Variants in SCAMP3 observed in about 807,000 individuals in gnomAD.
SCAMP3 encodes the protein secretory carrier-associated membrane protein 3.
In SCAMP3, 30 loss-of-function variants were observed where a neutral mutation model predicts 44.1. That is an observed-to-expected ratio of 0.68 (90% CI 0.51 to 0.92). The LOEUF is 0.92. SCAMP3 is among the 40% of genes least tolerant of loss of function. The pLI is 0.00. For missense variants in SCAMP3, 394 were observed against 440.0 expected, an observed-to-expected ratio of 0.90 and a Z score of 0.93; for synonymous variants, 168 against 171.1, an observed-to-expected ratio of 0.98 and a Z score of 0.14.
rs1076555 is a variant in SCAMP3 at position 155,260,663 on chromosome 1, T to A, written c.145-4A>T. 6.2e-7 allele frequency: 1 copy of A among 1,604,156 alleles called. No homozygotes were observed. The highest frequency in any genetic ancestry group is 1.3e-5 in the African/African-American group (1 of 74,684). On this transcript the variant is annotated splice_region_variant and splice_polypyrimidine_tract_variant and intron_variant, in intron 2 of 8. Coordinates refer to ENST00000302631, the MANE Select transcript of SCAMP3 (RefSeq NM_005698.4). ...GAGGCTCATAGGCTGGTGGTGGCTG[T>A]TGAGGAAAAGACCTTAGTGATCATC...
At position 155,257,479 on chromosome 1, in the gene SCAMP3, C is replaced by CTG; in HGVS notation, c.677+18_677+19insCA. On this transcript the variant is annotated intron_variant, in intron 6 of 8. Transcript: ENST00000302631. ...CCCATCCCAGGTCTCCATCACTCTCCCACCACTAACACACTTACCGGAAAG... is the reference window on the plus strand; with the variant it reads ...CCCATCCCAGGTCTCCATCACTCTCCTGCACCACTAACACACTTACCGGAAAG... 1 of 1,613,238 alleles carries CTG rather than the reference C, an allele frequency of 6.2e-7. No individual in the cohort carries two copies. The highest frequency in any genetic ancestry group is 8.5e-7 in the Non-Finnish European group (1 of 1,179,554).
In SCAMP3 at chr1:155,262,352, G is replaced by A. The variant is rs1470325790; in HGVS notation, c.-201C>T. The A allele has an allele frequency of 2.1e-5, 12 of 578,318 alleles. No homozygotes were observed. The highest frequency in any genetic ancestry group is 1.3e-4 in the Admixed American group (4 of 31,150). The allele number at this position is 578,318 out of a possible 1,614,324, so 35.8% of individuals were successfully genotyped here. On this transcript the variant is annotated 5_prime_UTR_variant, in exon 1 of 9. Coordinates refer to ENST00000302631, the MANE Select transcript of SCAMP3 (RefSeq NM_005698.4). The stretch of plus-strand genomic sequence containing the variant: ...CGCCTGCGTCTTGTCCAAAAGCTAA[G>A]ACGAAAGTGCCCCCACGTGATACCT...
Position 155,256,189 on chromosome 1 carries a change from T to A in SCAMP3, c.*84A>T. On this transcript the variant is annotated 3_prime_UTR_variant, in exon 9 of 9. Coordinates refer to ENST00000302631, the MANE Select transcript of SCAMP3 (RefSeq NM_005698.4). The stretch of plus-strand genomic sequence containing the variant: ...CTACGGAGGAGCCATCAGTTAGTGA[T>A]GTCTCTCCAAGTCCCAGAGACCTTA... 7.3e-7 allele frequency: 1 copy of A among 1,365,652 alleles called. No individual in the cohort carries two copies. The highest frequency in any genetic ancestry group is 1.0e-6 in the Non-Finnish European group (1 of 1,003,634). The allele number at this position is 1,365,652 out of a possible 1,614,324, so 84.6% of individuals were successfully genotyped here.
chr1:155,257,775 T>C, intron 5 of SCAMP3, 118 bp from the exon 6 acceptor site: 1 of 926,622 alleles, frequency 1.1e-6, no homozygotes, highest in Non-Finnish European at 1.6e-6. Context: ...TGAAGGCAGC[T>C]GCTGCCTTCA....
chr1:155,261,966 C>T (rs1269171605), intron 1 of SCAMP3, 120 bp downstream of exon 1: 4 of 1,030,810 alleles, frequency 3.9e-6, no homozygotes, highest in Non-Finnish European at 1.5e-6. Flanking sequence ...TCACTGTCAC[C>T]CCACGTGGCG....
chr1:155,261,957 C>A lies in SCAMP3; in HGVS notation c.66+129G>T, dbSNP rs919813740. 4 of 957,856 alleles carry A rather than the reference C, an allele frequency of 4.2e-6. No individual in the cohort carries two copies. The African/African-American group carries it at 6.5e-5, about 16-fold the overall frequency. 59.3% of individuals were successfully genotyped at this position (957,856 alleles called of 1,614,324 possible). A position where few individuals can be genotyped will look rare whatever the true frequency, so the allele number is the denominator to read the frequency against. The stretch of plus-strand genomic sequence containing the variant: ...CCCAGAGTGCTCACTGGTCTGGAGT[C>A]ACTGTCACCCCACGTGGCGGCTCTT... On this transcript the variant is annotated intron_variant, in intron 1 of 8. Transcript: ENST00000302631.
At chr1:155,259,384 G>T (rs1672896631) in intron 4 of SCAMP3, among the ~76,000 whole-genome samples, 1 of 151,968 alleles carries the variant, frequency 6.6e-6, no homozygotes, top group Admixed American at 6.6e-5. Flanking sequence ...CATGTTGGCT[G>T]GTCCTGAACT....
chr1:155,261,176 C>T (rs989849004), intron 2 of SCAMP3: 4 of 173,472 alleles, frequency 2.3e-5, no homozygotes, highest in Admixed American at 1.6e-4. Context: ...AGCAATCCTC[C>T]CACCTCAGCC....
chr1:155,261,492 C>T (rs1672960440), intron 2 of SCAMP3, 165 bp downstream of exon 2: 2 of 701,434 alleles, frequency 2.9e-6, no homozygotes, highest in Non-Finnish European at 5.1e-6. Context: ...CCTGGTGGCC[C>T]TAGAAGGATG....
rs1296286899 is a variant in SCAMP3 at position 155,260,460 on chromosome 1, G to A, written c.268-10C>T. 1.3e-5 allele frequency: 21 copies of A among 1,614,090 alleles called. No homozygotes were observed. Among genetic ancestry groups the A allele is most frequent in the Middle Eastern group, 1.6e-4 (1 of 6,084 alleles). ...CTGCTGCAGCTGAGGCCTGCCCAGT[G>A]TGAGCAGACGGAGATGTGAGCCCTG... is the stretch of plus-strand genomic sequence containing the variant. On this transcript the variant is annotated splice_polypyrimidine_tract_variant and intron_variant, in intron 3 of 8. Transcript: ENST00000302631.
intron 5 of SCAMP3, among the ~76,000 whole-genome samples, chr1:155,258,113 G>A (rs887673619): frequency 6.6e-6 from 1 of 150,826 alleles, no homozygotes; most frequent in African/African-American, 2.4e-5. Context: ...CTGCCTCCTG[G>A]GTTCACGCCC....
Position 155,256,270 on chromosome 1 carries a change from G to C in SCAMP3, c.*3C>G. On this transcript the variant is annotated 3_prime_UTR_variant, in exon 9 of 9. Coordinates refer to ENST00000302631, the MANE Select transcript of SCAMP3 (RefSeq NM_005698.4). Reference sequence around the variant, plus strand: ...AGCAGGGCCAGGGCATCCCAGTCAGGGGTCACGGGGCCCGGAAGGCATTTT... The same window carrying C: ...AGCAGGGCCAGGGCATCCCAGTCAGCGGTCACGGGGCCCGGAAGGCATTTT... 1 of 1,562,888 alleles carries C rather than the reference G, an allele frequency of 6.4e-7. No individual in the cohort carries two copies. Among genetic ancestry groups the C allele is most frequent in the South Asian group, 1.2e-5 (1 of 86,540 alleles).
intron 4 of SCAMP3, among the ~76,000 whole-genome samples, chr1:155,260,098 C>T (rs565749866): frequency 1.4e-4 from 21 of 151,980 alleles, no homozygotes; most frequent in South Asian, 4.2e-4. Flanking sequence ...ACTACAGGTG[C>T]GCGCCACCAT....
Position 155,262,320 on chromosome 1 carries a change from T to C in SCAMP3, c.-169A>G. 1.6e-6 allele frequency: 1 copy of C among 631,374 alleles called. No homozygotes were observed. The allele number at this position is 631,374 out of a possible 1,614,324, so 39.1% of individuals were successfully genotyped here. A position where few individuals can be genotyped will look rare whatever the true frequency, so the allele number is the denominator to read the frequency against. ...GCCACAAGGATCCCCGCAGCAGCCG[T>C]GGGTTGCGCCTGCGTCTTGTCCAAA... On this transcript the variant is annotated 5_prime_UTR_variant, in exon 1 of 9. Coordinates refer to ENST00000302631, the MANE Select transcript of SCAMP3 (RefSeq NM_005698.4).
At chr1:155,257,071 C>G (rs759542769) in intron 7 of SCAMP3, among the ~76,000 whole-genome samples, 3 of 152,240 alleles carry the variant, frequency 2.0e-5, no homozygotes, top group African/African-American at 4.8e-5. Context: ...AGGAAGCCAC[C>G]TTAGATTGGC....
Position 155,262,176 on chromosome 1 carries a change from C to T in SCAMP3, c.-25G>A. On this transcript the variant is annotated 5_prime_UTR_variant, in exon 1 of 9. Transcript: ENST00000302631. The stretch of plus-strand genomic sequence containing the variant: ...TGTTTGCAACTGCGGCCTCCGCGGC[C>T]CTCTGCCCTCCACGCCCCTGCCGCA... 1 of 1,609,526 alleles carries T rather than the reference C, an allele frequency of 6.2e-7. No individual in the cohort carries two copies. Among genetic ancestry groups the T allele is most frequent in the South Asian group, 1.1e-5 (1 of 90,982 alleles).
chr1:155,257,107 CTA>C (rs1672822663), intron 7 of SCAMP3, among the ~76,000 whole-genome samples, 176 bp downstream of exon 7: 1 of 152,220 alleles, frequency 6.6e-6, no homozygotes, highest in African/African-American at 2.4e-5. Context: ...TCCCTTCAAT[CTA>C]TATGTGTCAA....
In SCAMP3 at chr1:155,257,404, A is replaced by T. The variant is rs1572002700; in HGVS notation, c.678-18T>A. Reference sequence around the variant, plus strand: ...TGTCACTCCTACAAAGAGGAAAAAAATGGGGAGGGTGGGAGAAGAATTAGA... The same window carrying T: ...TGTCACTCCTACAAAGAGGAAAAAATTGGGGAGGGTGGGAGAAGAATTAGA... On this transcript the variant is annotated intron_variant, in intron 6 of 8. Coordinates refer to ENST00000302631, the MANE Select transcript of SCAMP3 (RefSeq NM_005698.4). The T allele has an allele frequency of 1.2e-6, 2 of 1,610,192 alleles. No homozygotes were observed. Among genetic ancestry groups the T allele is most frequent in the Admixed American group, 1.7e-5 (1 of 59,508 alleles).
intron 2 of SCAMP3, chr1:155,261,338 G>A: frequency 2.8e-6 from 1 of 356,712 alleles, no homozygotes; most frequent in Non-Finnish European, 5.2e-6. Context: ...CTTTCAAACT[G>A]CACACCTAAC....
Sources: allele counts gnomAD v4.1 joint callset (sites outside exome capture counted in the v4.1 genomes callset), GRCh38; gene constraint gnomAD v4.1.1; transcripts MANE v1.5; gene names NCBI Gene and HGNC (gene_info 2026-07-23, HGNC 2026-07-21).